Variants in SVIP observed in about 807,000 individuals in gnomAD.
SVIP encodes small VCP interacting protein.
A neutral mutation model predicts 12.9 loss-of-function variants in SVIP; 14 were observed. The ratio of observed to expected loss-of-function variants is 1.08; its 90% CI spans 0.72 to 1.70. The LOEUF (loss-of-function observed/expected upper bound fraction) is 1.70. Among genes scored for constraint, SVIP ranks in the 40% most tolerant of loss-of-function variants. SVIP has a pLI of 0.00. For synonymous variants in SVIP, 35 were observed against 33.3 expected, an observed-to-expected ratio of 1.05 and a Z score of -0.17; for missense variants, 93 against 90.8, an observed-to-expected ratio of 1.02 and a Z score of -0.10.
chr11:22,828,966 C>A (rs185854007), intron 1 of SVIP, among the ~76,000 whole-genome samples: 3 of 152,160 alleles, frequency 2.0e-5, no homozygotes, highest in Non-Finnish European at 4.4e-5. Context: ...GTACCACACA[C>A]CCACTAGCTA....
chr11:22,824,318 A>G (rs1857591526), intron 3 of SVIP, among the ~76,000 whole-genome samples: 1 of 151,898 alleles, frequency 6.6e-6, no homozygotes, highest in Admixed American at 6.6e-5. Context: ...GAAGTCTATT[A>G]AATCTGTGAT....
rs76840566 is a variant in SVIP, at chr11:22,828,296, C to T, written c.55-422G>A. ...AATCTCAGTGTGTAGGAGGGAAGGA[C>T]TGGAGTAATTTCATGAGAGGTATTG... On this transcript the variant is annotated intron_variant, in intron 1 of 3. Coordinates refer to ENST00000354193, the MANE Select transcript of SVIP (RefSeq NM_148893.3). 5.4e-3 allele frequency among the ~76,000 whole-genome samples: 826 copies of T among 152,210 alleles called. 13 individuals are homozygous for T. The highest frequency in any genetic ancestry group is 0.038 in the East Asian group (197 of 5,184).
Position 22,829,771 on chromosome 11 carries a change from TGACC to T in SVIP, c.-27_-24del. The T allele has an allele frequency of 6.3e-7, 1 of 1,596,760 alleles. No homozygotes were observed. Among genetic ancestry groups the T allele is most frequent in the South Asian group, 1.1e-5 (1 of 88,404 alleles). On this transcript the variant is annotated 5_prime_UTR_variant, in exon 1 of 4. Coordinates refer to ENST00000354193, the MANE Select transcript of SVIP (RefSeq NM_148893.3). ...CATAGGGACGACAGCTTGAGAACCCTGACCGGGTCCGGCCCAGGCCAGGCGGCGC... is the reference window on the plus strand; with the variant it reads ...CATAGGGACGACAGCTTGAGAACCCTGGGTCCGGCCCAGGCCAGGCGGCGC...
chr11:22,827,274 C>A lies in SVIP; in HGVS notation c.152G>T (p.Arg51Ile), dbSNP rs377766261. Residue 51 changes from arginine (R) to isoleucine (I), a missense_variant, in exon 3 of 4, where the codon AGA becomes ATA. Arg to Ile is a moderately conservative substitution (Grantham distance 97). Transcript: ENST00000354193. ...TTTTTCTATTTTTTCCTTTTTCTTT[C>A]TCTTTTCTTGCACAGATTGAACATC... ...ILDVQSVQEK[R>I]KKKEKIEKQI... is the part of the protein sequence containing the mutation. 23 of 1,609,084 alleles carry A rather than the reference C, an allele frequency of 1.4e-5. No individual in the cohort carries two copies. The East Asian group carries it at 3.4e-4, about 24-fold the overall frequency.
At chr11:22,824,940 C>T (rs1193269336) in intron 3 of SVIP, among the ~76,000 whole-genome samples, 3 of 152,108 alleles carry the variant, frequency 2.0e-5, no homozygotes, top group Admixed American at 6.5e-5. Flanking sequence ...CCCTTACTCC[C>T]GTGCTGCTAT....
chr11:22,823,183 A>AT (rs762194495), intron 3 of SVIP, 50 bp from the exon 4 acceptor site: 1 of 1,364,808 alleles, frequency 7.3e-7, no homozygotes, highest in African/African-American at 1.5e-5. Context: ...TTGAAGTTAT[A>AT]TAACAGTACT....
In SVIP at chr11:22,829,799, G is replaced by A. The variant is rs376058924; in HGVS notation, c.-51C>T. The A allele has an allele frequency of 3.9e-6, 6 of 1,530,412 alleles. No homozygotes were observed. In the Admixed American group the frequency reaches 5.7e-5, roughly 15 times the overall value. 94.8% of individuals were successfully genotyped at this position (1,530,412 alleles called of 1,614,324 possible). ...CCGGGTCCGGCCCAGGCCAGGCGGC[G>A]CTAACTGCGCGGTCCGGAGCCGGTC... On this transcript the variant is annotated 5_prime_UTR_variant, in exon 1 of 4. Transcript: ENST00000354193.
rs907833508 is a variant in SVIP, at chr11:22,820,495, A to C, written c.*2624T>G. ...AACCTTTGGTTCTGTTGCTCTTCTG[A>C]ATCCCAATGTGATTAAAATGTTCCT... is the stretch of plus-strand genomic sequence containing the variant. On this transcript the variant is annotated 3_prime_UTR_variant, in exon 4 of 4. Transcript: ENST00000354193. 2.0e-5 allele frequency: 3 copies of C among 152,214 alleles called. No individual in the cohort carries two copies. Among genetic ancestry groups the C allele is most frequent in the Admixed American group, 1.3e-4 (2 of 15,278 alleles). The allele number at this position is 152,214 out of a possible 1,614,324, so 9.4% of individuals were successfully genotyped here.
At chr11:22,826,361 T>C (rs967005560) in intron 3 of SVIP, among the ~76,000 whole-genome samples, 1 of 130,046 alleles carries the variant, frequency 7.7e-6, no homozygotes, top group Non-Finnish European at 1.7e-5. Context: ...TGCATGTGTG[T>C]GTGTGTGTAG....
intron 3 of SVIP, among the ~76,000 whole-genome samples, chr11:22,824,519 T>A (rs1857619716): frequency 6.7e-6 from 1 of 149,312 alleles, no homozygotes; most frequent in South Asian, 2.1e-4. Flanking sequence ...CACACATATA[T>A]ATATAAAATC....
chr11:22,828,318 A>T (rs1429606717), intron 1 of SVIP, among the ~76,000 whole-genome samples: 1 of 152,158 alleles, frequency 6.6e-6, no homozygotes, highest in Non-Finnish European at 1.5e-5. Flanking sequence ...CATGAGAGGT[A>T]TTGTTCCATA....
intron 2 of SVIP, 151 bp from the exon 3 acceptor site, chr11:22,827,471 A>C (rs377507080): frequency 1.6e-6 from 1 of 641,768 alleles, no homozygotes. Flanking sequence ...TTTCTACAAC[A>C]GCCTTACATA....
rs188097721 is a variant in SVIP at position 22,821,911 on chromosome 11, T to G, written c.*1208A>C. The G allele has an allele frequency of 6.6e-6, 1 of 152,216 alleles. No individual in the cohort carries two copies. Among genetic ancestry groups the G allele is most frequent in the South Asian group, 2.1e-4 (1 of 4,834 alleles). The allele number at this position is 152,216 out of a possible 1,614,324, so 9.4% of individuals were successfully genotyped here. ...ACATAATTTTTGTTGGAGGGGTAGA[T>G]GAAGATAGTGGCTCAGTTTCCTTTG... On this transcript the variant is annotated 3_prime_UTR_variant, in exon 4 of 4. Transcript: ENST00000354193.
At chr11:22,825,407 T>C (rs762533953) in intron 3 of SVIP, among the ~76,000 whole-genome samples, 1 of 152,012 alleles carries the variant, frequency 6.6e-6, no homozygotes, top group Non-Finnish European at 1.5e-5. Flanking sequence ...GTGGTAGTGG[T>C]AGGTGATGAG....
At chr11:22,829,404 G>A in intron 1 of SVIP, 1 of 345,352 alleles carries the variant, frequency 2.9e-6, no homozygotes, top group Admixed American at 4.9e-5. Context: ...TGCGTGCGCC[G>A]GCGCCCTATG....
chr11:22,822,827 A>G lies in SVIP; in HGVS notation c.*292T>C, dbSNP rs892975580. On this transcript the variant is annotated 3_prime_UTR_variant, in exon 4 of 4. Transcript: ENST00000354193. ...TTAGAGGTATATGCAGAATGTTTAC[A>G]TGCAGTGTATGTATATTCACTATTT... 4.3e-5 allele frequency: 13 copies of G among 304,486 alleles called. No homozygotes were observed. The highest frequency in any genetic ancestry group is 2.8e-4 in the African/African-American group (13 of 46,218). The allele number at this position is 304,486 out of a possible 1,614,324, so 18.9% of individuals were successfully genotyped here.
chr11:22,828,638 G>A (rs1164753203), intron 1 of SVIP, among the ~76,000 whole-genome samples: 2 of 152,078 alleles, frequency 1.3e-5, no homozygotes, highest in Non-Finnish European at 2.9e-5. Flanking sequence ...CAAGGGAAGA[G>A]GGTATAGTAT....
rs1414262229 is a variant in SVIP, at chr11:22,823,223, A to G, written c.220-90T>C. Reference sequence around the variant, plus strand: ...TGAACAAACAGGTAAAAAGAGGAATATGGGACATAGAAATACAAAATGATT... The same window carrying G: ...TGAACAAACAGGTAAAAAGAGGAATGTGGGACATAGAAATACAAAATGATT... On this transcript the variant is annotated intron_variant, in intron 3 of 3. Transcript: ENST00000354193. The G allele has an allele frequency of 4.0e-5, 36 of 904,002 alleles. No individual in the cohort carries two copies. The East Asian group carries it at 8.5e-4, about 21-fold the overall frequency. The allele number at this position is 904,002 out of a possible 1,614,324, so 56.0% of individuals were successfully genotyped here. A position where few individuals can be genotyped will look rare whatever the true frequency, so the allele number is the denominator to read the frequency against.
chr11:22,824,450 A>ATGTACG (rs1857604723), intron 3 of SVIP, among the ~76,000 whole-genome samples: 1 of 100,140 alleles, frequency 1.0e-5, no homozygotes, highest in East Asian at 2.3e-4. Context: ...ACACACATAT[A>ATGTACG]TATATATATA....
Sources: gnomAD v4.1 joint callset for allele counts (sites outside exome capture counted in the v4.1 genomes callset) on GRCh38, gnomAD v4.1.1 for gene constraint, MANE v1.5 for transcripts, NCBI Gene and HGNC (gene_info 2026-07-23, HGNC 2026-07-21) for gene names.